PCDHA7: variants seen among roughly 807,000 people sequenced by gnomAD.
PCDHA7 encodes protocadherin alpha 7.
A neutral mutation model predicts 57.2 loss-of-function variants in PCDHA7; 37 were observed. That is an observed-to-expected ratio of 0.65 (90% confidence interval 0.50 to 0.85). The LOEUF (loss-of-function observed/expected upper bound fraction) is 0.85. Among genes scored for constraint, PCDHA7 ranks in the 40% least tolerant of loss-of-function variants. The probability of loss-of-function intolerance (pLI) is 0.00; values close to 1 mark genes in which losing one functional copy is unlikely to be tolerated. For missense variants in PCDHA7, 1,188 were observed against 1,241.8 expected (o/e 0.96, Z 0.65); for synonymous variants, 553 against 558.8 (o/e 0.99, Z 0.15).
At chr5:140,961,876 T>G (rs929753490) in intron 1 of PCDHA7, among the ~76,000 whole-genome samples, 1 of 151,746 alleles carries the variant, frequency 6.6e-6, no homozygotes, top group South Asian at 2.1e-4. Context: ...ATAATTGACT[T>G]ACTTACATCA....
At chr5:140,976,316 C>T (rs1336395893) in intron 1 of PCDHA7, among the ~76,000 whole-genome samples, 17 of 152,002 alleles carry the variant, frequency 1.1e-4, no homozygotes, top group Admixed American at 1.0e-3. Context: ...TTTGGGAGGC[C>T]GAGGAGGGTG....
In PCDHA7 at chr5:140,836,633, C is replaced by A. The variant is rs2150266268; in HGVS notation, c.2250C>A (p.Phe750Leu). 5.0e-6 allele frequency: 8 copies of A among 1,613,432 alleles called. No individual in the cohort carries two copies. Among genetic ancestry groups the A allele is most frequent in the Non-Finnish European group, 5.9e-6 (7 of 1,179,616 alleles). ...CCAGCGCGGTGGGGAGCTGGTCATT[C>A]TCCCAGCAGAGGCGGCAGAGGGTGT... ...VCSSAVGSWSFSQQRRQRVCS... is the reference protein window; with the variant it reads ...VCSSAVGSWSLSQQRRQRVCS... The change falls in exon 1 of 4, where the codon TTC (phenylalanine) becomes TTA (leucine). Residue 750 changes from phenylalanine to leucine, a missense_variant. Phe to Leu is a conservative substitution (Grantham distance 22, BLOSUM62 0). This residue lies in a region of PCDHA7 where 892 missense variants were observed against 788.5 expected (regional missense o/e 1.13). Transcript: ENST00000525929.
At chr5:140,938,881 A>T (rs2092243650) in intron 1 of PCDHA7, among the ~76,000 whole-genome samples, 1 of 152,088 alleles carries the variant, frequency 6.6e-6, no homozygotes, top group South Asian at 2.1e-4. Context: ...GAAGCAACAC[A>T]CACACACACA....
intron 1 of PCDHA7, chr5:140,870,319 T>G (rs782623881): frequency 3.7e-6 from 6 of 1,614,162 alleles, no homozygotes; most frequent in Non-Finnish European, 5.1e-6. Flanking sequence ...TTACTACTCG[T>G]TGGTGCTGGA....
At chr5:140,979,051 G>T (rs1554240209) in intron 2 of PCDHA7, 44 bp downstream of exon 2, 1 of 1,609,534 alleles carries the variant, frequency 6.2e-7, no homozygotes, top group South Asian at 1.1e-5. Flanking sequence ...ACCTTAACTT[G>T]GTATGGCTCA....
At chr5:140,963,275 A>G (rs2095752915) in intron 1 of PCDHA7, among the ~76,000 whole-genome samples, 1 of 152,160 alleles carries the variant, frequency 6.6e-6, no homozygotes, top group Non-Finnish European at 1.5e-5. Flanking sequence ...AAATGTATGT[A>G]AGATTTTATA....
chr5:140,850,784 T>C (rs2150498192), intron 1 of PCDHA7: 7 of 1,597,982 alleles, frequency 4.4e-6, no homozygotes, highest in South Asian at 1.1e-5. Flanking sequence ...CTGGCGAGGG[T>C]AAGCAGAAGA....
intron 1 of PCDHA7, chr5:140,884,831 A>G (rs918582598): frequency 4.3e-6 from 4 of 939,604 alleles, no homozygotes; most frequent in Non-Finnish European, 6.0e-6. Flanking sequence ...GTGTTGGATT[A>G]TCCTTCAGAG....
At chr5:140,863,518 C>T (rs1339237201) in intron 1 of PCDHA7, 13 of 402,142 alleles carry the variant, frequency 3.2e-5, no homozygotes, top group Middle Eastern at 7.3e-4. Context: ...AGTGTTCTCC[C>T]ATGGTTCAGA....
At chr5:140,946,631 T>TATATATATATACACACAC (rs57893927) in intron 1 of PCDHA7, among the ~76,000 whole-genome samples, 1 of 131,846 alleles carries the variant, frequency 7.6e-6, no homozygotes, top group East Asian at 2.0e-4. Context: ...TATATATATA[T>TATATATATATACACACAC]ACAATGGAAT....
At chr5:140,849,962 G>A in intron 1 of PCDHA7, 1 of 1,597,888 alleles carries the variant, frequency 6.3e-7, no homozygotes, top group Admixed American at 1.7e-5. Context: ...AGAACGCCCT[G>A]GTGTCCTACT....
chr5:140,857,748 C>A (rs782353510), intron 1 of PCDHA7: 1 of 1,597,386 alleles, frequency 6.3e-7, no homozygotes, highest in African/African-American at 1.3e-5. Flanking sequence ...CTGCTGGCGT[C>A]TCCCGCTGGC....
intron 1 of PCDHA7, chr5:140,966,920 C>A: frequency 6.2e-7 from 1 of 1,602,672 alleles, no homozygotes; most frequent in South Asian, 1.1e-5. Flanking sequence ...GCCAGAGGAG[C>A]AGGCACCCGG....
rs2150471496 is a variant in PCDHA7 at position 140,850,180 on chromosome 5, C to T, written c.2355+13442C>T. On this transcript the variant is annotated intron_variant, in intron 1 of 3. Coordinates refer to ENST00000525929, the MANE Select transcript of PCDHA7 (RefSeq NM_018910.3). ...TTCGTGCTGGACGAGAACGACAATG[C>T]GCCGGCGCTGCTGACACCTCGGATG... 73 of 1,593,798 alleles carry T rather than the reference C, an allele frequency of 4.6e-5. 10 individuals carry two copies. The Middle Eastern group carries it at 1.0e-3, about 23-fold the overall frequency.
intron 1 of PCDHA7, among the ~76,000 whole-genome samples, chr5:140,898,811 C>T (rs1277456601): frequency 6.6e-6 from 1 of 152,190 alleles, no homozygotes; most frequent in Non-Finnish European, 1.5e-5. Context: ...ACTGATTCTT[C>T]CTACCCATGA....
intron 1 of PCDHA7, chr5:140,926,320 C>G (rs555057115): frequency 2.5e-3 from 377 of 152,358 alleles, no homozygotes; most frequent in Non-Finnish European, 3.8e-3. Flanking sequence ...AGAGGTGCGC[C>G]GGGGTCAGAG....
chr5:140,850,216 A>C lies in PCDHA7; in HGVS notation c.2355+13478A>C. 5 of 1,593,446 alleles carry C rather than the reference A, an allele frequency of 3.1e-6. No individual in the cohort carries two copies. The East Asian group carries it at 1.1e-4, about 36-fold the overall frequency. ...CTGACACCTCGGATGAGGGGCACTG[A>C]CGGCGCAGTGAGCGAGATGGTGCTG... On this transcript the variant is annotated intron_variant, in intron 1 of 3. Transcript: ENST00000525929.
chr5:140,933,270 C>T (rs1388946153), intron 1 of PCDHA7, among the ~76,000 whole-genome samples: 1 of 151,842 alleles, frequency 6.6e-6, no homozygotes, highest in African/African-American at 2.4e-5. Context: ...ATTATATATT[C>T]ATTTGGAACT....
At chr5:140,968,813 A>G (rs1554231120) in intron 1 of PCDHA7, 1 of 1,614,194 alleles carries the variant, frequency 6.2e-7, no homozygotes, top group South Asian at 1.1e-5. Context: ...TGTGGTGGAT[A>G]GGGTTTCCAA....
Sources: gnomAD v4.1 joint callset for allele counts (sites outside exome capture counted in the v4.1 genomes callset) on GRCh38, gnomAD v4.1.1 for gene constraint, gnomAD v4.1.1 regional missense constraint, MANE v1.5 for transcripts, NCBI Gene and HGNC (gene_info 2026-07-23, HGNC 2026-07-21) for gene names.